Variants in BICRAL observed in about 807,000 individuals in gnomAD.
BICRAL encodes the protein BICRA like chromatin remodeling complex associated protein.
In BICRAL, 8 loss-of-function variants were observed where a neutral mutation model predicts 91.8. The observed-to-expected ratio is 0.09, with a 90% CI of 0.05 to 0.16. BICRAL has a LOEUF of 0.16. Ranked by LOEUF, BICRAL falls within the 10% of genes least tolerant of loss-of-function variation. The probability of loss-of-function intolerance (pLI) is 1.00; values close to 1 mark genes in which losing one functional copy is unlikely to be tolerated. For synonymous variants in BICRAL, 445 were observed against 491.1 expected, an observed-to-expected ratio of 0.91 and a Z score of 1.24; for missense variants, 1,038 against 1,310.9, an observed-to-expected ratio of 0.79 and a Z score of 3.21.
chr6:42,771,483 TGGGGGTGGCG>T (rs1416205992), intron 1 of BICRAL, among the ~76,000 whole-genome samples: 2 of 3,248 alleles, frequency 6.2e-4, no homozygotes, highest in East Asian at 5.3e-3. Flanking sequence ...CCCACCCCTG[TGGGGGTGGCG>T]GGGGGTGGTG....
chr6:42,858,314 A>G (rs1165643789), intron 10 of BICRAL, among the ~76,000 whole-genome samples: 24 of 143,656 alleles, frequency 1.7e-4, no homozygotes, highest in Middle Eastern at 4.2e-3. Context: ...TCAGGAGTTC[A>G]AGACCAGCCT....
chr6:42,864,547 G>A, intron 12 of BICRAL, 112 bp from the exon 13 acceptor site: 1 of 801,204 alleles, frequency 1.2e-6, no homozygotes. Flanking sequence ...GAAGCAGATG[G>A]ATTCTGTGAG....
At chr6:42,764,537 TAA>T (rs960307778) in intron 1 of BICRAL, among the ~76,000 whole-genome samples, 12 of 141,608 alleles carry the variant, frequency 8.5e-5, no homozygotes, top group Admixed American at 7.1e-5. Context: ...GACTCTGTCT[TAA>T]AAAAAAAAAA....
rs1159342197 is a variant in BICRAL at position 42,793,122 on chromosome 6, A to ATTTTTTTTTTTTTTTT, written c.-102+11045_-102+11060dup. On this transcript the variant is annotated intron_variant, in intron 1 of 12. Transcript: ENST00000314073. ...AAGCGCATGCCACCATGCCCAGCTA[A>ATTTTTTTTTTTTTTTT]TTTTTTTTTTTTTTTTTTTTTTTTT... is the stretch of plus-strand genomic sequence containing the variant. 5.4e-5 allele frequency among the ~76,000 whole-genome samples: 2 copies of ATTTTTTTTTTTTTTTT among 37,228 alleles called. 1 individual carries two copies. The allele number at this position is 37,228 out of a possible 152,430, so 24.4% of individuals were successfully genotyped here.
intron 1 of BICRAL, among the ~76,000 whole-genome samples, chr6:42,756,163 C>G (rs1173631286): frequency 6.6e-6 from 1 of 152,198 alleles, no homozygotes; most frequent in African/African-American, 2.4e-5. Context: ...GTTTCTCAAT[C>G]GTCATTCCCT....
intron 1 of BICRAL, among the ~76,000 whole-genome samples, chr6:42,786,927 T>G (rs576388491): frequency 2.6e-5 from 3 of 113,256 alleles, no homozygotes; most frequent in Admixed American, 1.5e-4. Flanking sequence ...CTTGTATTAC[T>G]CCATAGGGGG....
chr6:42,830,118 C>T lies in BICRAL; in HGVS notation c.1785C>T (p.Thr595=). The T allele has an allele frequency of 1.9e-6, 3 of 1,613,996 alleles. No individual in the cohort carries two copies. Among genetic ancestry groups the T allele is most frequent in the Non-Finnish European group, 2.5e-6 (3 of 1,179,858 alleles). Residue 595 remains threonine, a synonymous_variant, in exon 6 of 13, where the codon ACC becomes ACT. Transcript: ENST00000314073. The stretch of plus-strand genomic sequence containing the variant: ...TTCCAGTTTCTTCTTCCAAGTCTAC[C>T]AGCACCTTCAGTAACACACCTGGAA... ...HRLPVSSSKS[T]STFSNTPGTG...
At chr6:42,802,602 G>A (rs920496322) in intron 1 of BICRAL, among the ~76,000 whole-genome samples, 1 of 151,928 alleles carries the variant, frequency 6.6e-6, no homozygotes, top group Admixed American at 6.6e-5. Flanking sequence ...GCACACACCA[G>A]CATGCCCAGC....
chr6:42,830,042 A>G lies in BICRAL; in HGVS notation c.1709A>G (p.Gln570Arg). The stretch of plus-strand genomic sequence containing the variant: ...TCAGGATCAAACTTTACAGGAGATC[A>G]GCTGACCCAGCCAAACAGGACTCCA... ...GSSGSNFTGDQLTQPNRTPVP... is the reference protein window; with the variant it reads ...GSSGSNFTGDRLTQPNRTPVP... The change falls in exon 6 of 13, where the codon CAG (glutamine) becomes CGG (arginine). Residue 570 changes from glutamine to arginine, a missense_variant. By Grantham distance (43) the Gln-to-Arg change is conservative (BLOSUM62 1). Coordinates refer to ENST00000314073, the MANE Select transcript of BICRAL (RefSeq NM_001393499.1). 6.2e-7 allele frequency: 1 copy of G among 1,614,216 alleles called. No individual in the cohort carries two copies. The highest frequency in any genetic ancestry group is 8.5e-7 in the Non-Finnish European group (1 of 1,180,038).
chr6:42,822,145 C>A (rs774974367), intron 3 of BICRAL, 82 bp downstream of exon 3: 3 of 743,852 alleles, frequency 4.0e-6, no homozygotes. Context: ...GCATATAACA[C>A]CTGATAGGTA....
Position 42,830,012 on chromosome 6 carries a change from G to T in BICRAL, c.1679G>T (p.Gly560Val). Residue 560 changes from glycine (G) to valine (V), a missense_variant, in exon 6 of 13, where the codon GGT (glycine) becomes GTT (valine). Gly to Val is a moderately radical substitution (Grantham distance 109). Around this residue, in one of 5 missense-constraint regions of BICRAL, gnomAD observed 532 missense variants for 724.9 expected, o/e 0.73. Coordinates refer to ENST00000314073, the MANE Select transcript of BICRAL (RefSeq NM_001393499.1). ...HPSLGSAVQS[G>V]SSGSNFTGDQ... The stretch of plus-strand genomic sequence containing the variant: ...AGTCTTGGGTCTGCAGTTCAGTCTG[G>T]TTCATCAGGATCAAACTTTACAGGA... 1 of 1,614,146 alleles carries T rather than the reference G, an allele frequency of 6.2e-7. No individual in the cohort carries two copies. The highest frequency in any genetic ancestry group is 8.5e-7 in the Non-Finnish European group (1 of 1,180,038).
intron 2 of BICRAL, among the ~76,000 whole-genome samples, chr6:42,815,846 G>T (rs1157093597): frequency 1.3e-5 from 2 of 151,436 alleles, no homozygotes; most frequent in African/African-American, 4.8e-5. Context: ...AATTAGCCAG[G>T]CATGGTGGTG....
Position 42,829,378 on chromosome 6 carries a change from T to A in BICRAL, c.1045T>A (p.Ser349Thr), listed in dbSNP as rs1190422811. The A allele has an allele frequency of 6.2e-7, 1 of 1,614,060 alleles. No individual in the cohort carries two copies. Among genetic ancestry groups the A allele is most frequent in the South Asian group, 1.1e-5 (1 of 91,090 alleles). The change falls in exon 6 of 13, where the codon TCA becomes ACA. Residue 349 changes from serine to threonine, a missense_variant. Coordinates refer to ENST00000314073, the MANE Select transcript of BICRAL (RefSeq NM_001393499.1). ...AGGGATCTCTTTTGCTTCTGCAAGC[T>A]CACCCCAGGGCTCAGTAGTTGGTCC... ...QQGISFASAS[S>T]PQGSVVGPHM...
At chr6:42,859,322 G>A (rs1169924045) in intron 10 of BICRAL, among the ~76,000 whole-genome samples, 1 of 151,684 alleles carries the variant, frequency 6.6e-6, no homozygotes, top group African/African-American at 2.4e-5. Context: ...AACCCGGGAG[G>A]AGAAGGTTGC....
At chr6:42,794,644 T>G (rs565624440) in intron 1 of BICRAL, among the ~76,000 whole-genome samples, 1 of 151,940 alleles carries the variant, frequency 6.6e-6, no homozygotes, top group Non-Finnish European at 1.5e-5. Context: ...GCTAGACATA[T>G]CAATTAAGAA....
Position 42,857,323 on chromosome 6 carries a change from C to T in BICRAL, c.2254+87C>T, listed in dbSNP as rs559742451. The T allele has an allele frequency of 5.7e-6, 6 of 1,057,922 alleles. No homozygotes were observed. In the East Asian group the frequency reaches 9.6e-5, roughly 17 times the overall value. 65.5% of individuals were successfully genotyped at this position (1,057,922 alleles called of 1,614,324 possible). On this transcript the variant is annotated intron_variant, in intron 10 of 12. Transcript: ENST00000314073. ...CCAGAAAAGCAAGAGCCACATCACC[C>T]CCAGATGGTAGGCAGGTTATTGTTT...
chr6:42,826,296 G>A (rs1764300457), intron 5 of BICRAL, among the ~76,000 whole-genome samples: 1 of 136,212 alleles, frequency 7.3e-6, no homozygotes, highest in Admixed American at 7.4e-5. Flanking sequence ...GTGCAGTGGT[G>A]CAATCTCGGC....
chr6:42,778,530 T>G (rs1274489850), upstream of BICRAL, among the ~76,000 whole-genome samples: 1 of 152,232 alleles, frequency 6.6e-6, no homozygotes, highest in Non-Finnish European at 1.5e-5. Flanking sequence ...AATGTCAATG[T>G]TCTTGTATTT....
intron 1 of BICRAL, among the ~76,000 whole-genome samples, chr6:42,790,068 G>A (rs1183732720): frequency 6.6e-6 from 1 of 152,072 alleles, no homozygotes; most frequent in Non-Finnish European, 1.5e-5. Context: ...AATGTGTGGC[G>A]GCTTATAGCA....
Sources: allele counts gnomAD v4.1 joint callset (sites outside exome capture counted in the v4.1 genomes callset), GRCh38; gene constraint gnomAD v4.1.1; regional missense constraint gnomAD v4.1.1; transcripts MANE v1.5; gene names NCBI Gene and HGNC (gene_info 2026-07-23, HGNC 2026-07-21).